PPP2R2B: variants seen among roughly 807,000 people sequenced by gnomAD.
The protein encoded by PPP2R2B is protein phosphatase 2 regulatory subunit Bbeta.
Under a neutral mutation model 46.0 loss-of-function variants are expected in PPP2R2B, and 5 were observed. That is an observed-to-expected ratio of 0.11 (90% confidence interval 0.06 to 0.23). The LOEUF (loss-of-function observed/expected upper bound fraction) is 0.23, where lower values mean the gene tolerates loss of function less well. Ranked by LOEUF, PPP2R2B falls within the 10% of genes least tolerant of loss-of-function variation. The pLI, the probability that PPP2R2B is intolerant of heterozygous loss-of-function variation, is 1.00. For missense variants in PPP2R2B, 367 were observed against 575.0 expected (o/e 0.64, Z 3.70); for synonymous variants, 215 against 206.7 (o/e 1.04, Z -0.34).
intron 5 of PPP2R2B, among the ~76,000 whole-genome samples, chr5:146,657,501 C>T (rs549016432): frequency 1.8e-4 from 28 of 152,262 alleles, no homozygotes; most frequent in Admixed American, 1.3e-4. Context: ...TTGCTTGTTA[C>T]GTACAAGCAT....
At chr5:146,709,796 TA>T (rs1258217019) in intron 2 of PPP2R2B, among the ~76,000 whole-genome samples, 1 of 152,194 alleles carries the variant, frequency 6.6e-6, no homozygotes, top group African/African-American at 2.4e-5. Context: ...AAACCTACCT[TA>T]AGACAGCCTA....
chr5:146,931,015 C>G (rs932061245), intron 1 of PPP2R2B, among the ~76,000 whole-genome samples: 2 of 152,006 alleles, frequency 1.3e-5, no homozygotes, highest in African/African-American at 4.8e-5. Context: ...ACTGGTGTTC[C>G]AGCTAGTTGC....
chr5:147,022,835 C>T (rs1439772003), intron 1 of PPP2R2B, among the ~76,000 whole-genome samples: 1 of 151,566 alleles, frequency 6.6e-6, no homozygotes, highest in Non-Finnish European at 1.5e-5. Context: ...AAAACAAAAC[C>T]CAGTCTAGAT....
chr5:146,731,031 A>G (rs1752200132), intron 2 of PPP2R2B, among the ~76,000 whole-genome samples: 2 of 152,218 alleles, frequency 1.3e-5, no homozygotes, highest in Admixed American at 6.5e-5. Context: ...TTTGGAGAGA[A>G]AAACACAGAT....
At chr5:147,014,717 C>T (rs1263302457) in intron 1 of PPP2R2B, among the ~76,000 whole-genome samples, 2 of 139,742 alleles carry the variant, frequency 1.4e-5, no homozygotes, top group Non-Finnish European at 3.0e-5. Context: ...AGGGGAATAT[C>T]ACACTGGGGA....
intron 2 of PPP2R2B, among the ~76,000 whole-genome samples, chr5:146,850,893 G>T (rs141735311): frequency 4.9e-4 from 74 of 152,068 alleles, no homozygotes; most frequent in Admixed American, 1.0e-3. Context: ...AAATGACCAC[G>T]CAATCTATCC....
rs1319971067 is a variant in PPP2R2B, at chr5:146,586,355, A to G, written c.*3592T>C. ...TCCCTAAATCCTCATTATGAGGCCT[A>G]CCAGGGCTTTCTTGAGCCCTGCAGG... is the stretch of plus-strand genomic sequence containing the variant. On this transcript the variant is annotated 3_prime_UTR_variant, in exon 10 of 10. Coordinates refer to ENST00000394411, the MANE Select transcript of PPP2R2B (RefSeq NM_181675.4). The G allele has an allele frequency of 6.6e-6, 1 of 152,208 alleles. No homozygotes were observed. Among genetic ancestry groups the G allele is most frequent in the Non-Finnish European group, 1.5e-5 (1 of 68,060 alleles). The allele number at this position is 152,208 out of a possible 1,614,324, so 9.4% of individuals were successfully genotyped here.
rs557825977 is a variant in PPP2R2B at position 146,908,373 on chromosome 5, C to T, written c.79+147292G>A. Among the ~76,000 whole-genome samples the T allele has an allele frequency of 3.3e-5, 5 of 152,214 alleles. No individual in the cohort carries two copies. The South Asian group carries it at 1.0e-3, about 32-fold the overall frequency. ...GGAATTATGCAGTACTCAACAGGCACACATATTCTACTAGTAAGTTCTTGG... is the reference window on the plus strand; with the variant it reads ...GGAATTATGCAGTACTCAACAGGCATACATATTCTACTAGTAAGTTCTTGG... On this transcript the variant is annotated intron_variant, in intron 1 of 8. Coordinates refer to the PPP2R2B transcript ENST00000336640.
At chr5:146,797,781 C>A (rs1582126929) in intron 2 of PPP2R2B, among the ~76,000 whole-genome samples, 1 of 152,138 alleles carries the variant, frequency 6.6e-6, no homozygotes, top group East Asian at 1.9e-4. Flanking sequence ...TGTTTCAGAG[C>A]CTGACATGTT....
At chr5:146,748,431 C>A (rs982903164) in intron 2 of PPP2R2B, among the ~76,000 whole-genome samples, 5 of 152,144 alleles carry the variant, frequency 3.3e-5, no homozygotes, top group Non-Finnish European at 5.9e-5. Flanking sequence ...GAGATACAGA[C>A]AATTTCCATC....
At chr5:146,879,784 G>T (rs1444491173), upstream of PPP2R2B, among the ~76,000 whole-genome samples, 3 of 152,114 alleles carry the variant, frequency 2.0e-5, no homozygotes, top group East Asian at 5.8e-4. Flanking sequence ...AGCCAATTTG[G>T]AAAAGACATC....
chr5:146,898,346 C>T (rs971976862), intron 1 of PPP2R2B, among the ~76,000 whole-genome samples: 2 of 152,150 alleles, frequency 1.3e-5, no homozygotes, highest in Non-Finnish European at 2.9e-5. Flanking sequence ...TGAAGTTTGA[C>T]AAACCTGAGA....
At chr5:147,054,809 C>A in intron 1 of PPP2R2B, 1 of 398,332 alleles carries the variant, frequency 2.5e-6, no homozygotes, top group Non-Finnish European at 5.0e-6. Context: ...AATCCTTAAG[C>A]CTGAAAAATG....
intron 2 of PPP2R2B, among the ~76,000 whole-genome samples, chr5:146,836,432 T>G (rs1759285990): frequency 6.6e-6 from 1 of 152,204 alleles, no homozygotes; most frequent in African/African-American, 2.4e-5. Context: ...TGAGTCAGAT[T>G]AAGAGATGGC....
intron 1 of PPP2R2B, among the ~76,000 whole-genome samples, chr5:147,038,959 A>AT (rs35076487): frequency 2.6e-5 from 4 of 152,160 alleles, no homozygotes; most frequent in South Asian, 2.1e-4. Flanking sequence ...GAGATTATTG[A>AT]TTTTTTTTAA....
At chr5:146,793,878 AAC>A (rs1452208017) in intron 2 of PPP2R2B, among the ~76,000 whole-genome samples, 1 of 152,198 alleles carries the variant, frequency 6.6e-6, no homozygotes, top group Non-Finnish European at 1.5e-5. Context: ...GAGGTATCTA[AAC>A]ACAGGGAGAC....
intron 1 of PPP2R2B, among the ~76,000 whole-genome samples, chr5:146,963,026 G>A (rs542312982): frequency 1.7e-4 from 26 of 152,288 alleles, no homozygotes; most frequent in Non-Finnish European, 7.4e-5. Context: ...TTGAGATGAT[G>A]ATGCAATTCA....
intron 2 of PPP2R2B, among the ~76,000 whole-genome samples, chr5:146,741,591 C>T (rs570944791): frequency 4.6e-5 from 7 of 152,156 alleles, no homozygotes; most frequent in African/African-American, 1.2e-4. Flanking sequence ...ATACGAAGGG[C>T]GACCGCCTCT....
chr5:146,805,024 C>A (rs1206198526), intron 2 of PPP2R2B, among the ~76,000 whole-genome samples: 1 of 152,132 alleles, frequency 6.6e-6, no homozygotes, highest in Admixed American at 6.6e-5. Context: ...CCATAAACAA[C>A]GGCAATTCTC....
Sources: allele counts gnomAD v4.1 joint callset (sites outside exome capture counted in the v4.1 genomes callset), GRCh38; gene constraint gnomAD v4.1.1; transcripts MANE v1.5; gene names NCBI Gene and HGNC (gene_info 2026-07-23, HGNC 2026-07-21).